Variants in SMYD4 observed in about 807,000 individuals in gnomAD.
The protein encoded by SMYD4 is protein-lysine N-methyltransferase SMYD4.
Under a neutral mutation model 72.8 loss-of-function variants are expected in SMYD4, and 68 were observed. That is an observed-to-expected ratio of 0.93 (90% confidence interval 0.77 to 1.14). The LOEUF (loss-of-function observed/expected upper bound fraction) is 1.14. SMYD4 is among the 50% of genes most tolerant of loss of function. The pLI is 0.00. For missense variants in SMYD4, 984 were observed against 1,003.7 expected, an observed-to-expected ratio of 0.98 and a Z score of 0.27; for synonymous variants, 407 against 388.6, an observed-to-expected ratio of 1.05 and a Z score of -0.56.
At chr17:1,810,364 C>G (rs1174575518) in intron 3 of SMYD4, among the ~76,000 whole-genome samples, 1 of 152,118 alleles carries the variant, frequency 6.6e-6, no homozygotes, top group African/African-American at 2.4e-5. Context: ...TGGCGAAAAC[C>G]CATCTCTACT....
At chr17:1,828,951 C>T (rs981877119) in intron 1 of SMYD4, among the ~76,000 whole-genome samples, 6 of 147,386 alleles carry the variant, frequency 4.1e-5, no homozygotes, top group African/African-American at 1.5e-4. Context: ...TCTCACCCAC[C>T]CCAGCAACTA....
intron 4 of SMYD4, among the ~76,000 whole-genome samples, chr17:1,802,812 A>G (rs1259366333): frequency 7.8e-6 from 1 of 128,024 alleles, no homozygotes; most frequent in Non-Finnish European, 2.0e-5. Flanking sequence ...CCTCAGAGGT[A>G]TCCTCCTAAA....
At position 1,784,197 on chromosome 17, in the gene SMYD4, T is replaced by C; in HGVS notation, c.2020+129A>G. The C allele has an allele frequency of 7.7e-6, 11 of 1,432,114 alleles. No individual in the cohort carries two copies. The South Asian group carries it at 1.4e-4, about 19-fold the overall frequency. The allele number at this position is 1,432,114 out of a possible 1,614,324, so 88.7% of individuals were successfully genotyped here. Reference sequence around the variant, plus strand: ...TTGGACTCACTGGCCTATATAGCCATCTTGTGGCTGGCATGGGGATAATTA... The same window carrying C: ...TTGGACTCACTGGCCTATATAGCCACCTTGTGGCTGGCATGGGGATAATTA... On this transcript the variant is annotated intron_variant, in intron 8 of 10. Transcript: ENST00000305513.
intron 2 of SMYD4, among the ~76,000 whole-genome samples, chr17:1,827,061 G>A (rs1189944954): frequency 6.6e-6 from 1 of 152,134 alleles, no homozygotes; most frequent in Non-Finnish European, 1.5e-5. Flanking sequence ...GCTGAGGCAT[G>A]AGAATCGCTT....
In SMYD4 at chr17:1,781,306, G is replaced by A. The variant is rs1338751300; in HGVS notation, c.2395C>T (p.Pro799Ser). ...KSCLLDLPPT[P>S]VGPAL ...GAACCCTACAATGCAGGCCCTACAG[G>A]GGTGGGTGGTAAGTCCAACAAACAG... Residue 799 changes from proline to serine, a missense_variant, in exon 11 of 11, where the codon CCT (proline) becomes TCT (serine). Pro to Ser is a moderately conservative substitution (Grantham distance 74). Transcript: ENST00000305513. The A allele has an allele frequency of 6.2e-7, 1 of 1,613,350 alleles. No homozygotes were observed. Among genetic ancestry groups the A allele is most frequent in the Non-Finnish European group, 8.5e-7 (1 of 1,180,024 alleles).
chr17:1,800,712 G>A lies in SMYD4; in HGVS notation c.682C>T (p.Leu228Phe), dbSNP rs1909688493. The change falls in exon 5 of 11, where the codon CTT becomes TTT. Residue 228 changes from leucine to phenylalanine, a missense_variant. Physicochemically the swap from Leu to Phe is conservative, Grantham distance 22. Coordinates refer to ENST00000305513, the MANE Select transcript of SMYD4 (RefSeq NM_052928.3). The stretch of plus-strand genomic sequence containing the variant: ...CCGATGGATGATGAGGCATTGGAAA[G>A]TTGTTCATTCTCCTCCCTCAGCGCT... ...DAALREENEQ[L>F]SNASSSIGLC... 2 of 1,614,226 alleles carry A rather than the reference G, an allele frequency of 1.2e-6. No individual in the cohort carries two copies. The highest frequency in any genetic ancestry group is 1.3e-5 in the African/African-American group (1 of 75,068).
At chr17:1,783,269 C>A in intron 9 of SMYD4, 91 bp downstream of exon 9, 1 of 1,610,048 alleles carries the variant, frequency 6.2e-7, no homozygotes, top group Non-Finnish European at 8.5e-7. Context: ...GTTTACAGAG[C>A]GGGGGGTAAC....
At chr17:1,795,567 C>T (rs560937145) in intron 5 of SMYD4, among the ~76,000 whole-genome samples, 37 of 152,186 alleles carry the variant, frequency 2.4e-4, no homozygotes, top group East Asian at 1.2e-3. Context: ...CTTAGCCTCC[C>T]GTGTAGCTGG....
At chr17:1,787,400 G>A in intron 6 of SMYD4, 22 bp downstream of exon 6, 1 of 1,551,220 alleles carries the variant, frequency 6.4e-7, no homozygotes, top group Non-Finnish European at 8.7e-7. Context: ...GGGCAGGATG[G>A]CAGTGCGGAG....
chr17:1,799,894 C>G lies in SMYD4; in HGVS notation c.1500G>C (p.Gln500His). Residue 500 changes from glutamine to histidine, a missense_variant, in exon 5 of 11, where the codon CAG (glutamine) becomes CAC (histidine). Coordinates refer to ENST00000305513, the MANE Select transcript of SMYD4 (RefSeq NM_052928.3). ...VAMLRHMLQL[Q>H]CNAQAMTTIQ... ...TGGTGGTCATCGCCTGAGCGTTACA[C>G]TGAAGCTGTAACATGTGTCTCAGCA... The G allele has an allele frequency of 6.2e-7, 1 of 1,612,314 alleles. No homozygotes were observed. The highest frequency in any genetic ancestry group is 8.5e-7 in the Non-Finnish European group (1 of 1,178,926).
At chr17:1,827,353 G>GA (rs529472874) in intron 2 of SMYD4, among the ~76,000 whole-genome samples, 1,714 of 118,906 alleles carry the variant, frequency 0.014, 33 homozygotes, top group African/African-American at 0.045. Context: ...AAGAAAAAAA[G>GA]AAAAAAAAAA....
At chr17:1,806,893 GT>G (rs976354296) in intron 3 of SMYD4, among the ~76,000 whole-genome samples, 3 of 151,788 alleles carry the variant, frequency 2.0e-5, no homozygotes, top group Non-Finnish European at 4.4e-5. Context: ...ACATACAAGG[GT>G]TTTTTTCTTT....
chr17:1,828,054 G>A, intron 1 of SMYD4, 48 bp from the exon 2 acceptor site: 1 of 1,570,942 alleles, frequency 6.4e-7, no homozygotes, highest in Non-Finnish European at 8.7e-7. Flanking sequence ...CACAATTTTA[G>A]AAAATCAAGA....
At position 1,781,373 on chromosome 17, in the gene SMYD4, G is replaced by A. The variant is rs377628342; in HGVS notation, c.2328C>T (p.Gly776=). ...GCTCCTGGATTTCATCGTCCCATGG[G>A]CCACAGTGCAGCGACAGAACCTCCT... ...KAEEVLSLHC[G]PWDDEIQELQ... Residue 776 remains glycine, a synonymous_variant, in exon 11 of 11, where the codon GGC becomes GGT. Transcript: ENST00000305513. The A allele has an allele frequency of 9.3e-6, 15 of 1,613,954 alleles. No homozygotes were observed. Among genetic ancestry groups the A allele is most frequent in the Admixed American group, 6.7e-5 (4 of 59,984 alleles).
chr17:1,820,052 G>A (rs533320446), intron 2 of SMYD4, among the ~76,000 whole-genome samples: 2 of 151,922 alleles, frequency 1.3e-5, no homozygotes, highest in Non-Finnish European at 2.9e-5. Flanking sequence ...CTTCCCAAAG[G>A]GCTGGGATTA....
In SMYD4 at chr17:1,786,476, A is replaced by T. The variant is rs542219601; in HGVS notation, c.1884+334T>A. Among the ~76,000 whole-genome samples, 9 of 152,264 alleles carry T rather than the reference A, an allele frequency of 5.9e-5. No individual in the cohort carries two copies. In the East Asian group the frequency reaches 1.7e-3, roughly 29 times the overall value. On this transcript the variant is annotated intron_variant, in intron 7 of 10. Transcript: ENST00000305513. ...TGATCTGTCCACCTCAGCCTCCCAA[A>T]GTGCTGGGATAATAGGCATGTGTCA...
intron 4 of SMYD4, 99 bp from the exon 5 acceptor site, chr17:1,801,123 T>TA: frequency 8.7e-7 from 1 of 1,146,212 alleles, no homozygotes; most frequent in Non-Finnish European, 1.2e-6. Context: ...TAAGGATTAT[T>TA]AAAAAATGGA....
intron 5 of SMYD4, among the ~76,000 whole-genome samples, chr17:1,792,717 G>C (rs565778446): frequency 1.3e-5 from 2 of 152,132 alleles, no homozygotes; most frequent in African/African-American, 2.4e-5. Context: ...TTAATTACTA[G>C]AGAGGTTAGA....
Position 1,787,590 on chromosome 17 carries a change from T to A in SMYD4, c.1552A>T (p.Ile518Phe). The change falls in exon 6 of 11, where the codon ATC becomes TTC. Residue 518 changes from isoleucine to phenylalanine, a missense_variant. Physicochemically the swap from Ile to Phe is conservative, Grantham distance 21 (BLOSUM62 0). Coordinates refer to ENST00000305513, the MANE Select transcript of SMYD4 (RefSeq NM_052928.3). ...CGCACCTGCCTGCTGTCGGTAACGA[T>A]GCTCCCTTTAGGTCCTGAAAGGGCA... ...TIQHTGPKGS[I>F]VTDSRQVRLA... is the part of the protein sequence containing the mutation. 6.3e-7 allele frequency: 1 copy of A among 1,589,956 alleles called. No homozygotes were observed. Among genetic ancestry groups the A allele is most frequent in the Non-Finnish European group, 8.6e-7 (1 of 1,168,222 alleles).
Sources: gnomAD v4.1 joint callset for allele counts (sites outside exome capture counted in the v4.1 genomes callset) on GRCh38, gnomAD v4.1.1 for gene constraint, MANE v1.5 for transcripts, NCBI Gene and HGNC (gene_info 2026-07-23, HGNC 2026-07-21) for gene names.